The following KCNIP4 variants were observed in gnomAD, a reference collection of about 807,000 sequenced individuals.
KCNIP4 encodes the protein Kv channel-interacting protein 4.
KCNIP4 carries 12 observed loss-of-function variants against 34.0 expected under a neutral mutation model. The observed-to-expected ratio is 0.35, with a 90% CI of 0.23 to 0.57. KCNIP4 has a LOEUF of 0.57. Among genes scored for constraint, KCNIP4 ranks in the 20% least tolerant of loss-of-function variants. KCNIP4 has a pLI of 0.83. For missense variants in KCNIP4, 238 were observed against 311.7 expected (o/e 0.76, Z 1.78); for synonymous variants, 124 against 102.2 (o/e 1.21, Z -1.29).
chr4:21,105,945 C>A (rs193168611), intron 1 of KCNIP4, among the ~76,000 whole-genome samples: 20,592 of 151,042 alleles, frequency 0.14, 1,585 homozygotes, highest in South Asian at 0.19. Context: ...AGGGATGAAG[C>A]CCACTTGATC....
chr4:21,579,040 A>G (rs899793830), intron 1 of KCNIP4, among the ~76,000 whole-genome samples: 8 of 152,162 alleles, frequency 5.3e-5, no homozygotes, highest in African/African-American at 1.4e-4. Flanking sequence ...CTTGTCTCCA[A>G]CTTAAAGAAC....
At chr4:21,191,524 G>T (rs772524992) in intron 1 of KCNIP4, among the ~76,000 whole-genome samples, 8 of 152,108 alleles carry the variant, frequency 5.3e-5, no homozygotes, top group Non-Finnish European at 7.4e-5. Flanking sequence ...AGGATGATGC[G>T]CCCTAGTGCT....
intron 3 of KCNIP4, among the ~76,000 whole-genome samples, chr4:20,794,001 T>C (rs1461123707): frequency 3.3e-5 from 5 of 152,082 alleles, no homozygotes; most frequent in Non-Finnish European, 7.4e-5. Flanking sequence ...AGTGAATAAG[T>C]CTCATGAGAT....
At chr4:21,435,794 C>T (rs922577821) in intron 1 of KCNIP4, among the ~76,000 whole-genome samples, 1 of 152,126 alleles carries the variant, frequency 6.6e-6, no homozygotes, top group Non-Finnish European at 1.5e-5. Flanking sequence ...AGAATGTTTG[C>T]AGGCACCTTG....
At chr4:21,259,823 C>T (rs566181117) in intron 1 of KCNIP4, among the ~76,000 whole-genome samples, 12 of 151,500 alleles carry the variant, frequency 7.9e-5, no homozygotes, top group African/African-American at 2.9e-4. Context: ...GAAACTCCTG[C>T]TTCTCCTTCT....
intron 1 of KCNIP4, among the ~76,000 whole-genome samples, chr4:21,665,519 C>A (rs201594997): frequency 1.3e-5 from 2 of 149,600 alleles, no homozygotes; most frequent in African/African-American, 2.5e-5. Context: ...GCACCCCCCC[C>A]CCCTCATTTT....
intron 2 of KCNIP4, among the ~76,000 whole-genome samples, chr4:20,870,196 G>C (rs1723296880): frequency 6.6e-6 from 1 of 152,142 alleles, no homozygotes; most frequent in East Asian, 1.9e-4. Flanking sequence ...CCCAGTGTTG[G>C]GGGAGGCACC....
intron 1 of KCNIP4, among the ~76,000 whole-genome samples, chr4:21,835,097 T>C (rs893036861): frequency 6.6e-6 from 1 of 152,052 alleles, no homozygotes; most frequent in Non-Finnish European, 1.5e-5. Flanking sequence ...AAATTTAAAG[T>C]GAAAAGCAAA....
intron 1 of KCNIP4, among the ~76,000 whole-genome samples, chr4:21,726,899 G>C (rs539119637): frequency 2.0e-5 from 3 of 152,168 alleles, no homozygotes; most frequent in Admixed American, 1.3e-4. Flanking sequence ...CTGTAGATTT[G>C]GGAAAGTAGA....
intron 1 of KCNIP4, among the ~76,000 whole-genome samples, chr4:20,978,390 G>A (rs1041735792): frequency 2.6e-5 from 4 of 152,186 alleles, no homozygotes; most frequent in Non-Finnish European, 5.9e-5. Flanking sequence ...GAAAGCAAAT[G>A]GCATTCAGGT....
At chr4:21,689,150 T>A (rs1751046716) in intron 1 of KCNIP4, among the ~76,000 whole-genome samples, 1 of 152,142 alleles carries the variant, frequency 6.6e-6, no homozygotes, top group Non-Finnish European at 1.5e-5. Context: ...GTTGAATGAA[T>A]AAATGGCTAT....
At chr4:20,750,334 G>A (rs572089472) in intron 4 of KCNIP4, among the ~76,000 whole-genome samples, 54 of 152,304 alleles carry the variant, frequency 3.5e-4, no homozygotes, top group Admixed American at 8.5e-4. Context: ...AGGCAGTAAA[G>A]TTGGCTGATG....
chr4:21,519,244 A>C (rs1266295700), intron 1 of KCNIP4, among the ~76,000 whole-genome samples: 1 of 151,742 alleles, frequency 6.6e-6, no homozygotes, highest in East Asian at 2.0e-4. Context: ...TCTTTCACCC[A>C]TGTGAGGATA....
At chr4:21,101,344 T>C (rs1050989757) in intron 1 of KCNIP4, among the ~76,000 whole-genome samples, 1 of 152,092 alleles carries the variant, frequency 6.6e-6, no homozygotes, top group African/African-American at 2.4e-5. Flanking sequence ...TTTATATATA[T>C]ATCATTTCTT....
chr4:21,202,199 C>A (rs1419860189), intron 1 of KCNIP4, among the ~76,000 whole-genome samples: 1 of 152,140 alleles, frequency 6.6e-6, no homozygotes, highest in Non-Finnish European at 1.5e-5. Flanking sequence ...TAATGTTGGA[C>A]TGGATAAAGA....
intron 1 of KCNIP4, among the ~76,000 whole-genome samples, chr4:21,009,941 G>A (rs1738923940): frequency 6.6e-6 from 1 of 152,194 alleles, no homozygotes; most frequent in Admixed American, 6.5e-5. Flanking sequence ...ACCAAAGACT[G>A]GGTGGCTTAA....
intron 2 of KCNIP4, among the ~76,000 whole-genome samples, chr4:20,873,303 T>C (rs2149512675): frequency 6.6e-6 from 1 of 152,250 alleles, no homozygotes; most frequent in South Asian, 2.1e-4. Flanking sequence ...TCAGTGGAGG[T>C]TGTAATTGTA....
intron 1 of KCNIP4, among the ~76,000 whole-genome samples, chr4:21,371,205 C>A (rs2109439859): frequency 6.9e-6 from 1 of 145,566 alleles, no homozygotes; most frequent in Admixed American, 6.6e-5. Flanking sequence ...GTTTTAGGTA[C>A]AGGAATGAAA....
intron 1 of KCNIP4, among the ~76,000 whole-genome samples, chr4:21,735,136 T>C (rs1715894870): frequency 6.6e-6 from 1 of 151,868 alleles, no homozygotes. Context: ...GGCAAGCAGA[T>C]GACTATAGAA....
Sources: allele counts gnomAD v4.1 joint callset (sites outside exome capture counted in the v4.1 genomes callset), GRCh38; gene constraint gnomAD v4.1.1; transcripts MANE v1.5; gene names NCBI Gene and HGNC (gene_info 2026-07-23, HGNC 2026-07-21).